RORB: variants seen among roughly 807,000 people sequenced by gnomAD.
RORB encodes the protein RAR related orphan receptor B.
In RORB, 6 loss-of-function variants were observed where a neutral mutation model predicts 59.1. That is an observed-to-expected ratio of 0.10 (90% confidence interval 0.06 to 0.20). The LOEUF (loss-of-function observed/expected upper bound fraction) is 0.20. Among genes scored for constraint, RORB ranks in the 10% least tolerant of loss-of-function variants. The pLI is 1.00. For synonymous variants in RORB, 215 were observed against 204.5 expected (o/e 1.05, Z -0.44); for missense variants, 320 against 560.5 (o/e 0.57, Z 4.33).
At chr9:74,574,654 A>C (rs1272624162) in intron 1 of RORB, among the ~76,000 whole-genome samples, 7 of 152,128 alleles carry the variant, frequency 4.6e-5, no homozygotes, top group Non-Finnish European at 8.8e-5. Context: ...CACAGACTCC[A>C]ACCTTTTGGG....
At chr9:74,499,423 G>A (rs746360497) in intron 1 of RORB, among the ~76,000 whole-genome samples, 1 of 152,172 alleles carries the variant, frequency 6.6e-6, no homozygotes, top group Non-Finnish European at 1.5e-5. Flanking sequence ...TTTGCTGGCT[G>A]GACGCTGGGA....
chr9:74,609,833 G>C (rs527267416), intron 1 of RORB, among the ~76,000 whole-genome samples: 5 of 152,246 alleles, frequency 3.3e-5, no homozygotes, highest in Admixed American at 6.5e-5. Context: ...TTGTCCCCAG[G>C]GGGTATTTGG....
chr9:74,661,636 C>CTTTTTT (rs779927558), intron 5 of RORB, among the ~76,000 whole-genome samples: 6 of 79,590 alleles, frequency 7.5e-5, no homozygotes, highest in East Asian at 4.6e-4. Context: ...TTCTTTTTTC[C>CTTTTTT]TTTTTTTTTT....
intron 8 of RORB, among the ~76,000 whole-genome samples, chr9:74,668,640 T>C (rs987636932): frequency 6.6e-6 from 1 of 152,150 alleles, no homozygotes; most frequent in Non-Finnish European, 1.5e-5. Flanking sequence ...AAGAAAATGG[T>C]ACTAAGAAAA....
intron 1 of RORB, among the ~76,000 whole-genome samples, chr9:74,526,121 C>T (rs942570890): frequency 2.0e-5 from 3 of 151,894 alleles, no homozygotes; most frequent in Admixed American, 2.0e-4. Flanking sequence ...GCACTCCTGG[C>T]TTGCATCAGA....
intron 4 of RORB, among the ~76,000 whole-genome samples, chr9:74,645,023 G>A (rs879600483): frequency 3.3e-5 from 5 of 152,012 alleles, no homozygotes; most frequent in South Asian, 2.1e-4. Context: ...ATAAACTCGC[G>A]TATATTTTAC....
chr9:74,578,905 T>C (rs1822676862), intron 1 of RORB, among the ~76,000 whole-genome samples: 1 of 152,124 alleles, frequency 6.6e-6, no homozygotes, highest in Admixed American at 6.5e-5. Flanking sequence ...TCATCCTTTG[T>C]CCTCTGCCTG....
At chr9:74,591,297 A>G (rs1822888180) in intron 1 of RORB, among the ~76,000 whole-genome samples, 1 of 152,210 alleles carries the variant, frequency 6.6e-6, no homozygotes, top group East Asian at 1.9e-4. Context: ...TAGAATTGGG[A>G]CCATGATATC....
At chr9:74,670,478 C>A (rs1294957298) in intron 8 of RORB, among the ~76,000 whole-genome samples, 1 of 152,156 alleles carries the variant, frequency 6.6e-6, no homozygotes, top group Non-Finnish European at 1.5e-5. Flanking sequence ...TAGAAATCAG[C>A]TGAGCTGTTT....
At chr9:74,668,032 G>A in intron 8 of RORB, 131 bp downstream of exon 8, 2 of 616,610 alleles carry the variant, frequency 3.2e-6, no homozygotes, top group Non-Finnish European at 5.7e-6. Flanking sequence ...CCAAGTTTTT[G>A]ATATTTTTGG....
intron 2 of RORB, 136 bp downstream of exon 2, chr9:74,630,503 G>A (rs1823598076): frequency 4.1e-6 from 2 of 488,206 alleles, no homozygotes; most frequent in Non-Finnish European, 7.2e-6. Context: ...GAATTCTTGC[G>A]TGGTGGGTGG....
chr9:74,645,784 G>T lies in RORB; in HGVS notation c.637+2969G>T, dbSNP rs569666075. Among the ~76,000 whole-genome samples the T allele has an allele frequency of 5.9e-5, 9 of 152,160 alleles. No homozygotes were observed. In the South Asian group the frequency reaches 1.9e-3, roughly 32 times the overall value. On this transcript the variant is annotated intron_variant, in intron 4 of 9. Coordinates refer to ENST00000376896, the MANE Select transcript of RORB (RefSeq NM_006914.4). ...TCGAGGCTTAGAAGTTATATAACTTGTAAAAAGCAAAGAACACTTATAAGC... is the reference window on the plus strand; with the variant it reads ...TCGAGGCTTAGAAGTTATATAACTTTTAAAAAGCAAAGAACACTTATAAGC...
At chr9:74,542,217 T>C (rs973630711) in intron 1 of RORB, among the ~76,000 whole-genome samples, 18 of 152,178 alleles carry the variant, frequency 1.2e-4, no homozygotes, top group African/African-American at 3.6e-4. Context: ...TCTAGATTCC[T>C]TAAGACTTCA....
chr9:74,579,711 C>A (rs1822692420), intron 1 of RORB, among the ~76,000 whole-genome samples: 1 of 152,142 alleles, frequency 6.6e-6, no homozygotes, highest in Admixed American at 6.6e-5. Flanking sequence ...AAAGCCCCAG[C>A]AATACGAAAT....
At chr9:74,595,804 T>G (rs2118303413) in intron 1 of RORB, among the ~76,000 whole-genome samples, 1 of 152,254 alleles carries the variant, frequency 6.6e-6, no homozygotes, top group South Asian at 2.1e-4. Flanking sequence ...GAGGATCAGG[T>G]TGAGGAGCTG....
At chr9:74,663,084 C>G (rs1348453788) in intron 6 of RORB, among the ~76,000 whole-genome samples, 2 of 152,160 alleles carry the variant, frequency 1.3e-5, no homozygotes, top group African/African-American at 4.8e-5. Flanking sequence ...AACACACTGT[C>G]TGACACACAC....
chr9:74,591,250 A>G (rs987840673), intron 1 of RORB, among the ~76,000 whole-genome samples: 2 of 152,194 alleles, frequency 1.3e-5, no homozygotes, highest in Non-Finnish European at 2.9e-5. Context: ...CTAAAATTCA[A>G]CTAGCTTTAC....
intron 1 of RORB, among the ~76,000 whole-genome samples, chr9:74,591,800 TACA>T (rs1421727894): frequency 1.3e-5 from 2 of 152,184 alleles, no homozygotes; most frequent in African/African-American, 2.4e-5. Context: ...TTTATTAATG[TACA>T]ACAAGTAGAA....
intron 1 of RORB, among the ~76,000 whole-genome samples, chr9:74,596,860 A>G (rs1378935190): frequency 1.3e-5 from 2 of 152,200 alleles, no homozygotes; most frequent in Non-Finnish European, 2.9e-5. Flanking sequence ...CCACATTTCA[A>G]ATGGTCAATG....
Sources: gnomAD v4.1 joint callset for allele counts (sites outside exome capture counted in the v4.1 genomes callset) on GRCh38, gnomAD v4.1.1 for gene constraint, MANE v1.5 for transcripts, NCBI Gene and HGNC (gene_info 2026-07-23, HGNC 2026-07-21) for gene names.